The following UBXN2A variants were observed in gnomAD, a reference collection of about 807,000 sequenced individuals.
UBXN2A encodes UBX domain-containing protein 2A.
Under a neutral mutation model 28.4 loss-of-function variants are expected in UBXN2A, and 28 were observed. That is an observed-to-expected ratio of 0.99 (90% CI 0.73 to 1.35). The LOEUF is 1.35. Among genes scored for constraint, UBXN2A ranks in the 40% most tolerant of loss-of-function variants. The pLI is 0.00. For missense variants in UBXN2A, 253 were observed against 297.9 expected (o/e 0.85, Z 1.11); for synonymous variants, 97 against 103.6 (o/e 0.94, Z 0.39).
At chr2:23,972,754 G>A (rs1006837346) in intron 3 of UBXN2A, among the ~76,000 whole-genome samples, 1 of 151,816 alleles carries the variant, frequency 6.6e-6, no homozygotes, top group Admixed American at 6.6e-5. Flanking sequence ...CCTGGGAGGC[G>A]GAGGTTGCAG....
upstream of UBXN2A, chr2:23,939,663 G>T (rs1705648636): frequency 6.6e-6 from 1 of 152,632 alleles, no homozygotes; most frequent in Admixed American, 6.6e-5. Context: ...TGTCCACATC[G>T]TGAGTACAGG....
intron 4 of UBXN2A, among the ~76,000 whole-genome samples, chr2:23,978,830 C>A (rs565151591): frequency 6.7e-6 from 1 of 148,226 alleles, no homozygotes. Context: ...CGCATCGTGG[C>A]ACGTGCCTGT....
chr2:23,989,795 C>T (rs551691881), intron 6 of UBXN2A, among the ~76,000 whole-genome samples: 8 of 151,908 alleles, frequency 5.3e-5, no homozygotes, highest in Admixed American at 1.3e-4. Flanking sequence ...CTCAGATACT[C>T]GGGAGGCTGA....
At chr2:23,947,574 A>G (rs1299234897) in intron 1 of UBXN2A, among the ~76,000 whole-genome samples, 1 of 152,248 alleles carries the variant, frequency 6.6e-6, no homozygotes, top group Non-Finnish European at 1.5e-5. Context: ...CAATTGATAT[A>G]AATAAATTTT....
chr2:23,941,017 T>C (rs1558834786), intron 1 of UBXN2A, among the ~76,000 whole-genome samples: 3 of 152,214 alleles, frequency 2.0e-5, no homozygotes, highest in Admixed American at 6.5e-5. Context: ...CGCAGTCCAG[T>C]GATACAAAGT....
At chr2:23,989,241 T>A (rs1399703375) in intron 6 of UBXN2A, among the ~76,000 whole-genome samples, 1 of 151,660 alleles carries the variant, frequency 6.6e-6, no homozygotes, top group Non-Finnish European at 1.5e-5. Context: ...CCTATACATA[T>A]ACATATGTGT....
At chr2:23,998,609 A>T (rs1301897901) in intron 6 of UBXN2A, among the ~76,000 whole-genome samples, 1 of 152,176 alleles carries the variant, frequency 6.6e-6, no homozygotes, top group Admixed American at 6.5e-5. Flanking sequence ...AATCCCAGCT[A>T]CTAGGGAGGC....
At chr2:23,998,769 A>T (rs1010347259) in intron 6 of UBXN2A, among the ~76,000 whole-genome samples, 2 of 151,996 alleles carry the variant, frequency 1.3e-5, no homozygotes, top group African/African-American at 4.8e-5. Flanking sequence ...TCACCCTTTC[A>T]TCCAGGTTAG....
upstream of UBXN2A, among the ~76,000 whole-genome samples, chr2:23,935,926 C>G (rs1380539119): frequency 1.3e-5 from 2 of 152,014 alleles, no homozygotes; most frequent in Non-Finnish European, 2.9e-5. Flanking sequence ...TGGGGGGCAC[C>G]TTTAATCCCA....
At chr2:23,946,109 G>A (rs934600590) in intron 1 of UBXN2A, among the ~76,000 whole-genome samples, 1 of 152,096 alleles carries the variant, frequency 6.6e-6, no homozygotes, top group Non-Finnish European at 1.5e-5. Flanking sequence ...GGGGATTACA[G>A]GCATGAGCCA....
chr2:24,003,618 C>T lies in UBXN2A; in HGVS notation c.*3751C>T, dbSNP rs1345366375. On this transcript the variant is annotated 3_prime_UTR_variant, in exon 7 of 7. Coordinates refer to ENST00000309033, the MANE Select transcript of UBXN2A (RefSeq NM_181713.4). ...AGAGCCTTTTCTTTTGTCCATTACTCTTAGAAATGAACAGGTACATAATAG... is the reference window on the plus strand; with the variant it reads ...AGAGCCTTTTCTTTTGTCCATTACTTTTAGAAATGAACAGGTACATAATAG... 1 of 149,680 alleles carries T rather than the reference C, an allele frequency of 6.7e-6. No homozygotes were observed. Among genetic ancestry groups the T allele is most frequent in the Non-Finnish European group, 1.5e-5 (1 of 67,774 alleles). 9.3% of individuals were successfully genotyped at this position (149,680 alleles called of 1,614,324 possible). A position where few individuals can be genotyped will look rare whatever the true frequency, so the allele number is the denominator to read the frequency against.
chr2:23,943,812 G>T, intron 1 of UBXN2A: 1 of 295,954 alleles, frequency 3.4e-6, no homozygotes, highest in South Asian at 4.0e-5. Context: ...TATTTAAAAT[G>T]AGCTTTGCAT....
chr2:23,952,116 G>A (rs954730068), intron 1 of UBXN2A, among the ~76,000 whole-genome samples: 5 of 151,910 alleles, frequency 3.3e-5, no homozygotes, highest in South Asian at 2.1e-4. Context: ...ACAAGCGCTC[G>A]CCATCACACC....
At chr2:23,961,397 G>C (rs924188272) in intron 2 of UBXN2A, among the ~76,000 whole-genome samples, 1 of 151,760 alleles carries the variant, frequency 6.6e-6, no homozygotes, top group African/African-American at 2.4e-5. Context: ...TGCCTGGCCT[G>C]TACTTTGAAT....
intron 1 of UBXN2A, among the ~76,000 whole-genome samples, chr2:23,934,088 C>T (rs962778282): frequency 2.6e-5 from 4 of 151,448 alleles, no homozygotes; most frequent in South Asian, 4.2e-4. Context: ...TGGTGGTGCA[C>T]GCCTGTAATC....
chr2:23,975,158 A>G (rs1047097045), intron 3 of UBXN2A, among the ~76,000 whole-genome samples: 15 of 152,164 alleles, frequency 9.9e-5, no homozygotes, highest in Non-Finnish European at 1.9e-4. Context: ...AATGAGCAAT[A>G]TATGATGTTA....
At chr2:23,993,017 T>C (rs538144547) in intron 6 of UBXN2A, among the ~76,000 whole-genome samples, 1 of 152,334 alleles carries the variant, frequency 6.6e-6, no homozygotes, top group Non-Finnish European at 1.5e-5. Context: ...TACCTGGTGC[T>C]TTCTATGTGT....
chr2:23,983,456 G>A (rs773995769), intron 5 of UBXN2A, among the ~76,000 whole-genome samples: 2 of 152,036 alleles, frequency 1.3e-5, no homozygotes, highest in African/African-American at 2.4e-5. Context: ...GCGGTGAGCC[G>A]AGATCGCGCC....
rs370892087 is a variant in UBXN2A at position 23,928,584 on chromosome 2, A to T, written c.-138+969A>T. Among the ~76,000 whole-genome samples the T allele has an allele frequency of 1.4e-3, 212 of 152,308 alleles. 1 individual carries two copies. The highest frequency in any genetic ancestry group is 3.7e-3 in the African/African-American group (152 of 41,572). ...AGAATGAGACTCCATCTCAAAAAAA[A>T]AAAAATAAAATTCACAGTACATTAG... is the stretch of plus-strand genomic sequence containing the variant. On this transcript the variant is annotated intron_variant, in intron 1 of 7. Transcript: ENST00000404924.
Sources: allele counts gnomAD v4.1 joint callset (sites outside exome capture counted in the v4.1 genomes callset), GRCh38; gene constraint gnomAD v4.1.1; transcripts MANE v1.5; gene names NCBI Gene and HGNC (gene_info 2026-07-23, HGNC 2026-07-21).